The following ARIH2 variants were observed in gnomAD, a reference collection of about 807,000 sequenced individuals.
ARIH2 encodes E3 ubiquitin-protein ligase ARIH2.
In ARIH2, 12 loss-of-function variants were observed where a neutral mutation model predicts 79.8. The ratio of observed to expected loss-of-function variants is 0.15; its 90% CI spans 0.10 to 0.24. ARIH2 has a LOEUF of 0.24. Among genes scored for constraint, ARIH2 ranks in the 10% least tolerant of loss-of-function variants. The probability of loss-of-function intolerance (pLI) is 1.00; values close to 1 mark genes in which losing one functional copy is unlikely to be tolerated. For missense variants in ARIH2, 301 were observed against 618.3 expected (o/e 0.49, Z 5.44); for synonymous variants, 224 against 213.9 (o/e 1.05, Z -0.41).
chr3:48,936,753 G>A (rs2087197561), intron 3 of ARIH2, among the ~76,000 whole-genome samples: 1 of 147,930 alleles, frequency 6.8e-6, no homozygotes, highest in South Asian at 2.2e-4. Flanking sequence ...AAACAGGCCG[G>A]GCGCTGTGGC....
chr3:48,967,177 G>C lies in ARIH2; in HGVS notation c.440G>C (p.Arg147Pro). The C allele has an allele frequency of 6.2e-7, 1 of 1,614,146 alleles. No individual in the cohort carries two copies. The highest frequency in any genetic ancestry group is 8.5e-7 in the Non-Finnish European group (1 of 1,180,034). ...TGTGCAGTGTGTATGCAGTTTGTGCGAAAGGAAAACCTACTCTCTCTGGCC... is the reference window on the plus strand; with the variant it reads ...TGTGCAGTGTGTATGCAGTTTGTGCCAAAGGAAAACCTACTCTCTCTGGCC... Reference protein sequence around the residue: ...HHCAVCMQFVRKENLLSLACQ... With the variant: ...HHCAVCMQFVPKENLLSLACQ... The change falls in exon 6 of 16, where the codon CGA becomes CCA. Residue 147 changes from arginine (R) to proline (P), a missense_variant. By Grantham distance (103) the Arg-to-Pro change is moderately radical (BLOSUM62 -2). Transcript: ENST00000356401.
intron 5 of ARIH2, among the ~76,000 whole-genome samples, chr3:48,966,276 A>G (rs1364422720): frequency 1.3e-5 from 2 of 152,190 alleles, no homozygotes; most frequent in Non-Finnish European, 2.9e-5. Flanking sequence ...CAGAAGCAAA[A>G]TGGATAAACA....
At position 48,954,440 on chromosome 3, in the gene ARIH2, A is replaced by G. The variant is rs188973415; in HGVS notation, c.256-7172A>G. On this transcript the variant is annotated intron_variant, in intron 3 of 15. Transcript: ENST00000356401. ...CAACAGAGTGAGACTCTGTCTCAAAAAAAAAAAAAAGTTTTTTTCTACGTA... is the reference window on the plus strand; with the variant it reads ...CAACAGAGTGAGACTCTGTCTCAAAGAAAAAAAAAAGTTTTTTTCTACGTA... Among the ~76,000 whole-genome samples, 782 of 152,186 alleles carry G rather than the reference A, an allele frequency of 5.1e-3. 3 individuals are homozygous for G. Among genetic ancestry groups the G allele is most frequent in the Middle Eastern group, 0.024 (7 of 290 alleles).
chr3:48,964,605 G>A (rs2091596780), intron 4 of ARIH2, among the ~76,000 whole-genome samples: 1 of 152,196 alleles, frequency 6.6e-6, no homozygotes, highest in African/African-American at 2.4e-5. Flanking sequence ...GTAAGCCACT[G>A]CGCCTGGCCT....
In ARIH2 at chr3:48,967,271, C is replaced by T. The variant is rs747104066; in HGVS notation, c.534C>T (p.Gly178=). ...CAGTTCTCGTCAAGGACGGCGTGGG[C>T]GTGGGTGAGTCTGCCACAAAACTTA... ...HCSVLVKDGV[G]VGVSCMAQDC... is the part of the protein sequence containing the mutation. The change falls in exon 6 of 16, where the codon GGC becomes GGT. Residue 178 remains glycine (G), a synonymous_variant. Coordinates refer to ENST00000356401, the MANE Select transcript of ARIH2 (RefSeq NM_006321.4). 22 of 1,613,476 alleles carry T rather than the reference C, an allele frequency of 1.4e-5. No homozygotes were observed. The highest frequency in any genetic ancestry group is 3.3e-4 in the Middle Eastern group (2 of 6,080).
chr3:48,955,174 G>A (rs756216420), intron 3 of ARIH2, among the ~76,000 whole-genome samples: 4 of 152,092 alleles, frequency 2.6e-5, no homozygotes, highest in African/African-American at 7.2e-5. Context: ...CTCTAGCCTG[G>A]GCGACAGAAT....
rs2091859820 is a variant in ARIH2, at chr3:48,967,212, C to T, written c.475C>T (p.Gln159Ter). 6.2e-7 allele frequency: 1 copy of T among 1,614,114 alleles called. No homozygotes were observed. Among genetic ancestry groups the T allele is most frequent in the African/African-American group, 1.3e-5 (1 of 74,942 alleles). ...CCTACTCTCTCTGGCCTGTCAGCAC[C>T]AGTTTTGCCGCAGCTGCTGGGAGCA... ...ENLLSLACQH[Q>*]FCRSCWEQHC... The change falls in exon 6 of 16, where the codon CAG (glutamine) becomes TAG (stop). Residue 159 changes from glutamine (Q) to a stop codon, truncating the protein, a stop_gained. Coordinates refer to ENST00000356401, the MANE Select transcript of ARIH2 (RefSeq NM_006321.4). LOFTEE classifies it high-confidence loss of function.
intron 3 of ARIH2, among the ~76,000 whole-genome samples, chr3:48,956,063 G>C (rs1011772911): frequency 7.2e-5 from 11 of 152,086 alleles, no homozygotes; most frequent in Admixed American, 2.6e-4. Flanking sequence ...AATCTCATCA[G>C]GTTTGTAGTA....
At chr3:48,943,323 C>G (rs1190726057) in intron 3 of ARIH2, 1 of 152,176 alleles carries the variant, frequency 6.6e-6, no homozygotes, top group Non-Finnish European at 1.5e-5. Context: ...TCTTGCAACC[C>G]TCGAGAGACT....
intron 5 of ARIH2, among the ~76,000 whole-genome samples, chr3:48,965,777 A>C (rs930451880): frequency 6.6e-6 from 1 of 152,184 alleles, no homozygotes; most frequent in Non-Finnish European, 1.5e-5. Flanking sequence ...CCTGGCCAAC[A>C]TGGTGAAACC....
chr3:48,928,678 AG>A (rs1434201429), intron 3 of ARIH2, among the ~76,000 whole-genome samples: 1 of 152,120 alleles, frequency 6.6e-6, no homozygotes, highest in African/African-American at 2.4e-5. Context: ...GAAATAACTA[AG>A]GTGTGCCTTG....
chr3:48,979,363 G>A, intron 11 of ARIH2, 119 bp from the exon 12 acceptor site: 1 of 1,037,224 alleles, frequency 9.6e-7, no homozygotes, highest in Non-Finnish European at 1.4e-6. Context: ...AGGCACCCTT[G>A]GGAAGTTGTG....
intron 2 of ARIH2, among the ~76,000 whole-genome samples, chr3:48,924,038 G>C (rs1403459452): frequency 6.6e-6 from 1 of 152,212 alleles, no homozygotes; most frequent in Non-Finnish European, 1.5e-5. Context: ...GCTGAGGCAG[G>C]AGGATCTGTT....
intron 1 of ARIH2, 110 bp from the exon 2 acceptor site, chr3:48,922,638 T>C (rs2084974395): frequency 6.6e-6 from 1 of 152,194 alleles, no homozygotes; most frequent in South Asian, 2.1e-4. Context: ...TAATAGTTAC[T>C]CTGTCCCTTG....
rs745532484 is a variant in ARIH2, at chr3:48,942,645, A to ATT, written c.255+14854_255+14855dup. 1.4e-3 allele frequency among the ~76,000 whole-genome samples: 142 copies of ATT among 104,640 alleles called. 1 individual carries two copies. Among genetic ancestry groups the ATT allele is most frequent in the Non-Finnish European group, 1.9e-3 (95 of 50,512 alleles). The allele number at this position is 104,640 out of a possible 152,430, so 68.6% of individuals were successfully genotyped here. On this transcript the variant is annotated intron_variant, in intron 3 of 15. Transcript: ENST00000356401. Reference sequence around the variant, plus strand: ...AGGCGCCTGCCACCATGCCCGGCTAATTTTTTTTTTTTTTTTTTTTTTTGA... The same window carrying ATT: ...AGGCGCCTGCCACCATGCCCGGCTAATTTTTTTTTTTTTTTTTTTTTTTTTGA...
chr3:48,956,979 C>T (rs1433998041), intron 3 of ARIH2, among the ~76,000 whole-genome samples: 1 of 152,172 alleles, frequency 6.6e-6, no homozygotes, highest in East Asian at 1.9e-4. Context: ...TCCCAAAGTG[C>T]TGGGATTATA....
Position 48,973,800 on chromosome 3 carries a change from G to A in ARIH2, c.872G>A (p.Ser291Asn), listed in dbSNP as rs754796526. The A allele has an allele frequency of 6.2e-7, 1 of 1,613,496 alleles. No homozygotes were observed. Among genetic ancestry groups the A allele is most frequent in the Non-Finnish European group, 8.5e-7 (1 of 1,179,484 alleles). Reference sequence around the variant, plus strand: ...GACTCTGAAACAGCCAACTACATTAGTGCTCACACTAAAGACGTAAGGACC... The same window carrying A: ...GACTCTGAAACAGCCAACTACATTAATGCTCACACTAAAGACGTAAGGACC... ...ADDSETANYI[S>N]AHTKDCPKCN... is the part of the protein sequence containing the mutation. The change falls in exon 9 of 16, where the codon AGT becomes AAT. Residue 291 changes from serine to asparagine, a missense_variant. Physicochemically the swap from Ser to Asn is conservative, Grantham distance 46 (BLOSUM62 1). Around this residue, in one of 2 missense-constraint regions of ARIH2, gnomAD observed 78 missense variants for 268.9 expected, o/e 0.29. Coordinates refer to ENST00000356401, the MANE Select transcript of ARIH2 (RefSeq NM_006321.4).
In ARIH2 at chr3:48,985,418, G is replaced by A. The variant is rs1414977747; in HGVS notation, c.*2148G>A. The A allele has an allele frequency of 6.6e-6, 1 of 152,212 alleles. No individual in the cohort carries two copies. Among genetic ancestry groups the A allele is most frequent in the Non-Finnish European group, 1.5e-5 (1 of 68,038 alleles). The allele number at this position is 152,212 out of a possible 1,614,324, so 9.4% of individuals were successfully genotyped here. A position where few individuals can be genotyped will look rare whatever the true frequency, so the allele number is the denominator to read the frequency against. ...CAAAGGGTGGAAGAGAAAGGACACA[G>A]TATTTTCATGAATTTACCATATATC... On this transcript the variant is annotated 3_prime_UTR_variant, in exon 16 of 16. Coordinates refer to ENST00000356401, the MANE Select transcript of ARIH2 (RefSeq NM_006321.4).
Position 48,980,515 on chromosome 3 carries a change from A to T in ARIH2, c.1257+19A>T, listed in dbSNP as rs369002532. On this transcript the variant is annotated intron_variant, in intron 13 of 15. Transcript: ENST00000356401. ...GGCCAAGGTATCTACCACTTCACTC[A>T]TCTTATCCCTGGTCCAGTGCCTGGC... 7 of 1,612,230 alleles carry T rather than the reference A, an allele frequency of 4.3e-6. 1 individual carries two copies. Among genetic ancestry groups the T allele is most frequent in the Non-Finnish European group, 5.9e-6 (7 of 1,179,054 alleles).
Sources: allele counts gnomAD v4.1 joint callset (sites outside exome capture counted in the v4.1 genomes callset), GRCh38; gene constraint gnomAD v4.1.1; regional missense constraint gnomAD v4.1.1; transcripts MANE v1.5; gene names NCBI Gene and HGNC (gene_info 2026-07-23, HGNC 2026-07-21).